Variants in GALNT14 observed in about 807,000 individuals in gnomAD.
The protein encoded by GALNT14 is UDP-GalNAc:polypeptide N-acetylgalactosaminyltransferase 14.
In GALNT14, 60 loss-of-function variants were observed where a neutral mutation model predicts 77.5. The observed-to-expected ratio is 0.77, with a 90% CI of 0.63 to 0.96. The LOEUF is 0.96. Ranked by LOEUF, GALNT14 falls within the 40% of genes least tolerant of loss-of-function variation. The pLI is 0.00. For synonymous variants in GALNT14, 280 were observed against 281.7 expected, an observed-to-expected ratio of 0.99 and a Z score of 0.06; for missense variants, 710 against 731.0, an observed-to-expected ratio of 0.97 and a Z score of 0.33.
At chr2:30,920,931 G>T (rs1413488185) in intron 13 of GALNT14, among the ~76,000 whole-genome samples, 1 of 152,152 alleles carries the variant, frequency 6.6e-6, no homozygotes, top group African/African-American at 2.4e-5. Flanking sequence ...TCACACTGTG[G>T]TGACACCAAC....
chr2:31,010,665 C>T (rs34268303), intron 1 of GALNT14, among the ~76,000 whole-genome samples: 38,634 of 151,928 alleles, frequency 0.25, 5,091 homozygotes, highest in East Asian at 0.39. Flanking sequence ...ATCCCTCCAG[C>T]GGCTCCCACT....
chr2:30,958,724 A>C (rs140524862), intron 3 of GALNT14, among the ~76,000 whole-genome samples: 2 of 152,198 alleles, frequency 1.3e-5, no homozygotes, highest in African/African-American at 4.8e-5. Context: ...TACTCCCTGA[A>C]ACCCCACAGC....
intron 1 of GALNT14, among the ~76,000 whole-genome samples, chr2:31,124,666 G>A (rs1413087683): frequency 6.6e-6 from 1 of 152,162 alleles, no homozygotes; most frequent in Non-Finnish European, 1.5e-5. Flanking sequence ...TATTGCCCAG[G>A]ATGGAGTGCA....
chr2:31,110,502 T>C (rs1036956148), intron 1 of GALNT14, among the ~76,000 whole-genome samples: 3 of 152,198 alleles, frequency 2.0e-5, no homozygotes, highest in Non-Finnish European at 4.4e-5. Context: ...CTGGCTTGCA[T>C]GAAGACTGTG....
intron 2 of GALNT14, among the ~76,000 whole-genome samples, chr2:30,978,811 T>C (rs73923319): frequency 0.075 from 11,434 of 152,196 alleles, 841 homozygotes; most frequent in East Asian, 0.22. Context: ...AGCATTCCTG[T>C]GCTAGCTGCT....
chr2:31,085,901 G>C (rs1676405515), intron 1 of GALNT14, among the ~76,000 whole-genome samples: 2 of 152,230 alleles, frequency 1.3e-5, no homozygotes, highest in Admixed American at 1.3e-4. Flanking sequence ...GAAGGCAAAG[G>C]AGGAGCAAGG....
At chr2:31,029,898 A>T (rs1573198805) in intron 1 of GALNT14, among the ~76,000 whole-genome samples, 1 of 152,338 alleles carries the variant, frequency 6.6e-6, no homozygotes, top group African/African-American at 2.4e-5. Context: ...CTATAATGCC[A>T]ATGAAATACT....
chr2:30,929,485 T>C lies in GALNT14; in HGVS notation c.1061A>G (p.Asn354Ser). The C allele has an allele frequency of 6.2e-7, 1 of 1,613,508 alleles. No homozygotes were observed. The highest frequency in any genetic ancestry group is 8.5e-7 in the Non-Finnish European group (1 of 1,179,590). The change falls in exon 11 of 15, where the codon AAC (asparagine) becomes AGC (serine). Residue 354 changes from asparagine (N) to serine (S), a missense_variant and splice_region_variant. By Grantham distance (46) the Asn-to-Ser change is conservative. Transcript: ENST00000349752. ...PDGNANTYIK[N>S]TKRTAEVWMD... is the part of the protein sequence containing the mutation. ...CCACACTTCAGCTGTCCGCTTGGTG[T>C]TCCTGGGAAAACAAGGAGTGACAAG...
At chr2:31,051,788 C>T (rs979121763) in intron 1 of GALNT14, among the ~76,000 whole-genome samples, 2 of 152,162 alleles carry the variant, frequency 1.3e-5, no homozygotes, top group Admixed American at 6.5e-5. Context: ...GGGCTTCCAC[C>T]GCTTCCTTGC....
At chr2:31,006,428 C>G (rs1670678336) in intron 1 of GALNT14, among the ~76,000 whole-genome samples, 1 of 152,114 alleles carries the variant, frequency 6.6e-6, no homozygotes, top group Non-Finnish European at 1.5e-5. Context: ...CAGAACAAAC[C>G]CAAGGCAGGT....
chr2:31,061,373 T>C (rs1243639885), intron 1 of GALNT14, among the ~76,000 whole-genome samples: 4 of 152,154 alleles, frequency 2.6e-5, no homozygotes, highest in Non-Finnish European at 5.9e-5. Flanking sequence ...TCTCTGGCAT[T>C]CACCCCCTCT....
At chr2:31,106,604 C>A (rs1453950139) in intron 1 of GALNT14, among the ~76,000 whole-genome samples, 5 of 152,196 alleles carry the variant, frequency 3.3e-5, no homozygotes, top group African/African-American at 9.7e-5. Context: ...CTTTCCCAAG[C>A]ATTTACCTCT....
At chr2:30,905,539 C>A (rs1199118888), downstream of GALNT14, among the ~76,000 whole-genome samples, 1 of 152,058 alleles carries the variant, frequency 6.6e-6, no homozygotes, top group African/African-American at 2.4e-5. Context: ...TGAGCAAAGC[C>A]TCCAAGAAAT....
intron 1 of GALNT14, chr2:31,129,420 C>T (rs905045218): frequency 4.1e-6 from 4 of 985,452 alleles, no homozygotes; most frequent in Non-Finnish European, 4.8e-6. Context: ...TAAAGTCTTT[C>T]AGCTAGCTCC....
chr2:30,944,326 G>T (rs1237796988), intron 8 of GALNT14, among the ~76,000 whole-genome samples: 1 of 152,208 alleles, frequency 6.6e-6, no homozygotes, highest in Non-Finnish European at 1.5e-5. Flanking sequence ...GGGAGAGAAT[G>T]TGGGTCAGTA....
At chr2:30,927,688 G>A (rs1006459237) in intron 11 of GALNT14, among the ~76,000 whole-genome samples, 2 of 152,318 alleles carry the variant, frequency 1.3e-5, no homozygotes, top group East Asian at 3.9e-4. Context: ...TATTTCATCT[G>A]TAAAACAGAA....
At chr2:31,072,454 CCT>C (rs1675473551) in intron 1 of GALNT14, among the ~76,000 whole-genome samples, 1 of 151,846 alleles carries the variant, frequency 6.6e-6, no homozygotes. Flanking sequence ...TCTCTTTCAT[CCT>C]CTTTCTGCCC....
In GALNT14 at chr2:31,112,440, A is replaced by G. The variant is rs1378991516; in HGVS notation, c.129+25518T>C. Reference sequence around the variant, plus strand: ...TGCCTAACAAAAAGTCTTGGCTAAGATTACAGGAGATGTATGGGACAGCAC... The same window carrying G: ...TGCCTAACAAAAAGTCTTGGCTAAGGTTACAGGAGATGTATGGGACAGCAC... On this transcript the variant is annotated intron_variant, in intron 1 of 14. Transcript: ENST00000349752. 2.0e-5 allele frequency among the ~76,000 whole-genome samples: 3 copies of G among 152,222 alleles called. No individual in the cohort carries two copies. The East Asian group carries it at 5.8e-4, about 29-fold the overall frequency.
At chr2:30,964,871 C>T (rs1667901430) in intron 3 of GALNT14, among the ~76,000 whole-genome samples, 1 of 152,210 alleles carries the variant, frequency 6.6e-6, no homozygotes, top group Non-Finnish European at 1.5e-5. Flanking sequence ...GAACTTCCCA[C>T]TGCCCACAGC....
Sources: gnomAD v4.1 joint callset for allele counts (sites outside exome capture counted in the v4.1 genomes callset) on GRCh38, gnomAD v4.1.1 for gene constraint, MANE v1.5 for transcripts, NCBI Gene and HGNC (gene_info 2026-07-23, HGNC 2026-07-21) for gene names.